Variants in CLPB observed in about 807,000 individuals in gnomAD.
CLPB encodes ClpB family mitochondrial disaggregase.
A neutral mutation model predicts 78.4 loss-of-function variants in CLPB; 40 were observed. The observed-to-expected ratio is 0.51, with a 90% CI of 0.40 to 0.66. The LOEUF (loss-of-function observed/expected upper bound fraction) is 0.66. CLPB is among the 30% of genes least tolerant of loss of function. The pLI, the probability that CLPB is intolerant of heterozygous loss-of-function variation, is 0.00. For synonymous variants in CLPB, 333 were observed against 348.0 expected (o/e 0.96, Z 0.48); for missense variants, 780 against 886.9 (o/e 0.88, Z 1.53).
intron 6 of CLPB, among the ~76,000 whole-genome samples, chr11:72,324,362 G>A (rs1040669461): frequency 8.5e-5 from 13 of 152,140 alleles, no homozygotes; most frequent in African/African-American, 2.7e-4. Flanking sequence ...GAGGCCAGGA[G>A]TTTGAGACCA....
intron 6 of CLPB, among the ~76,000 whole-genome samples, chr11:72,321,196 C>T (rs1341568165): frequency 6.6e-6 from 1 of 152,058 alleles, no homozygotes; most frequent in South Asian, 2.1e-4. Context: ...AGGAAGGCTA[C>T]AAGACGAGTT....
chr11:72,424,819 G>C (rs1856321027), intron 2 of CLPB, among the ~76,000 whole-genome samples: 1 of 152,014 alleles, frequency 6.6e-6, no homozygotes, highest in African/African-American at 2.4e-5. Context: ...CCGGGTGGCG[G>C]AGTTTGCAGT....
At chr11:72,337,056 G>C in intron 5 of CLPB, 1 of 398,700 alleles carries the variant, frequency 2.5e-6, no homozygotes, top group East Asian at 3.6e-5. Flanking sequence ...TCATATCTTG[G>C]TTTAGTCTTC....
intron 4 of CLPB, among the ~76,000 whole-genome samples, chr11:72,366,617 GA>G (rs1298421369): frequency 6.6e-6 from 1 of 152,120 alleles, no homozygotes; most frequent in African/African-American, 2.4e-5. Context: ...TTTCTCAAAA[GA>G]AGACATACAA....
At chr11:72,362,131 C>T (rs774476979) in intron 4 of CLPB, among the ~76,000 whole-genome samples, 1 of 152,234 alleles carries the variant, frequency 6.6e-6, no homozygotes, top group East Asian at 1.9e-4. Flanking sequence ...ATTCGACTGC[C>T]TGGAACATCT....
chr11:72,306,273 G>A (rs894678939), intron 9 of CLPB, among the ~76,000 whole-genome samples: 5 of 152,188 alleles, frequency 3.3e-5, no homozygotes, highest in African/African-American at 4.8e-5. Flanking sequence ...CAGTGGGGCA[G>A]GCAAGCCAGA....
chr11:72,341,680 T>C (rs559767309), intron 5 of CLPB, among the ~76,000 whole-genome samples: 1 of 152,272 alleles, frequency 6.6e-6, no homozygotes, highest in Admixed American at 6.5e-5. Flanking sequence ...ACAGTTCCTG[T>C]CTCCCAGGCC....
intron 5 of CLPB, chr11:72,337,223 T>C: frequency 2.5e-6 from 1 of 398,182 alleles, no homozygotes. Context: ...GAGCTTTTTC[T>C]ATAAACCACA....
chr11:72,424,742 C>T (rs1188622689), intron 2 of CLPB, among the ~76,000 whole-genome samples: 2 of 152,054 alleles, frequency 1.3e-5, no homozygotes, highest in African/African-American at 2.4e-5. Flanking sequence ...AAAAATTAGC[C>T]GGGCGCGTTG....
At chr11:72,417,995 A>G (rs1015012144) in intron 2 of CLPB, among the ~76,000 whole-genome samples, 10 of 152,158 alleles carry the variant, frequency 6.6e-5, no homozygotes, top group African/African-American at 2.4e-4. Context: ...CCTGGGTGCT[A>G]TCCCTTCAAA....
chr11:72,428,581 G>T lies in CLPB; in HGVS notation c.455+1731C>A, dbSNP rs138548852. On this transcript the variant is annotated intron_variant, in intron 2 of 15. Transcript: ENST00000538039. ...AGCTTGCTCCTGGCTCTGTGGTCTT[G>T]TATGAGATGGGGGCTGAGGGCAGGT... Among the ~76,000 whole-genome samples the T allele has an allele frequency of 5.9e-4, 90 of 152,314 alleles. No homozygotes were observed. The East Asian group carries it at 8.3e-3, about 14-fold the overall frequency.
At position 72,294,434 on chromosome 11, in the gene CLPB, CG is replaced by C; in HGVS notation, c.1570del (p.Arg524GlyfsTer31). 2 of 1,614,148 alleles carry C rather than the reference CG, an allele frequency of 1.2e-6. No homozygotes were observed. Among genetic ancestry groups the C allele is most frequent in the Non-Finnish European group, 1.7e-6 (2 of 1,180,028 alleles). On this transcript the variant is annotated frameshift_variant, in exon 14 of 16. Coordinates refer to ENST00000538039, the MANE Select transcript of CLPB (RefSeq NM_001258392.3). LOFTEE classifies it high-confidence loss of function. ...GATCCGTCCCAGAAACTCATCCCTC[CG>C]GAAGTGAGCCTGAAGGGCCAGGTTA... ...VIRPILKAHFRRDEFLGRINE... is the reference protein window; with the variant it reads ...VIRPILKAHFXRDEFLGRINE...
intron 1 of CLPB, among the ~76,000 whole-genome samples, chr11:72,433,336 G>C (rs545263394): frequency 6.6e-6 from 1 of 152,092 alleles, no homozygotes; most frequent in Non-Finnish European, 1.5e-5. Context: ...AAGGCGGGTG[G>C]ATCAGGAGGT....
At chr11:72,402,688 C>T (rs1379176497) in intron 3 of CLPB, among the ~76,000 whole-genome samples, 1 of 152,222 alleles carries the variant, frequency 6.6e-6, no homozygotes, top group East Asian at 1.9e-4. Flanking sequence ...CAACCAATTA[C>T]AACAGGCTTC....
chr11:72,432,197 T>G (rs116410693), intron 1 of CLPB, among the ~76,000 whole-genome samples: 110 of 152,198 alleles, frequency 7.2e-4, no homozygotes, highest in African/African-American at 2.6e-3. Flanking sequence ...GCCCCGAAAC[T>G]GTTATTTCCA....
At chr11:72,380,198 T>C in intron 4 of CLPB, 83 bp downstream of exon 4, 2 of 1,022,646 alleles carry the variant, frequency 2.0e-6, no homozygotes, top group South Asian at 2.6e-5. Context: ...TCTGAGTTGC[T>C]GGTAGAGCTG....
chr11:72,426,766 G>A (rs1025809491), intron 2 of CLPB, among the ~76,000 whole-genome samples: 3 of 152,200 alleles, frequency 2.0e-5, no homozygotes, highest in African/African-American at 7.2e-5. Context: ...CCCTTCAGGA[G>A]GTGCACAATC....
At chr11:72,426,218 G>C (rs1856370455) in intron 2 of CLPB, among the ~76,000 whole-genome samples, 1 of 152,218 alleles carries the variant, frequency 6.6e-6, no homozygotes, top group Non-Finnish European at 1.5e-5. Flanking sequence ...AGGGAGATGG[G>C]TAGGGGTGTT....
intron 9 of CLPB, among the ~76,000 whole-genome samples, chr11:72,306,880 T>C (rs1281689864): frequency 6.6e-6 from 1 of 152,226 alleles, no homozygotes; most frequent in Non-Finnish European, 1.5e-5. Context: ...CAGCATCTAG[T>C]ACAACACCTG....
Sources: gnomAD v4.1 joint callset for allele counts (sites outside exome capture counted in the v4.1 genomes callset) on GRCh38, gnomAD v4.1.1 for gene constraint, MANE v1.5 for transcripts, NCBI Gene and HGNC (gene_info 2026-07-23, HGNC 2026-07-21) for gene names.